MYMX: variants seen among roughly 807,000 people sequenced by gnomAD.
MYMX encodes protein myomixer.
chr6:44,197,408 C>A, the MYMX span, among the ~76,000 whole-genome samples: 2 of 152,180 alleles, frequency 1.3e-5, no homozygotes, highest in Non-Finnish European at 2.9e-5. Context: ...TGGCAGACGC[C>A]TGTAATGCCA....
At chr6:44,200,034 A>G in the MYMX span, among the ~76,000 whole-genome samples, 1 of 152,050 alleles carries the variant, frequency 6.6e-6, no homozygotes, top group African/African-American at 2.4e-5. Context: ...GGCTCATGGT[A>G]GCCTGTTCCT....
At chr6:44,197,270 C>T in the MYMX span, among the ~76,000 whole-genome samples, 40 of 151,238 alleles carry the variant, frequency 2.6e-4, no homozygotes, top group African/African-American at 8.8e-4. Context: ...CGGCGGCTCA[C>T]GCCTGTAATT....
the MYMX span, among the ~76,000 whole-genome samples, chr6:44,207,566 C>G: frequency 1.3e-5 from 2 of 150,490 alleles, no homozygotes; most frequent in Non-Finnish European, 3.0e-5. Flanking sequence ...GAGTTTCACT[C>G]TTGTTGCCCA....
At chr6:44,195,472 T>TA in the MYMX span, among the ~76,000 whole-genome samples, 12,929 of 152,138 alleles carry the variant, frequency 0.085, 755 homozygotes, top group Middle Eastern at 0.19. Context: ...ATTTTTTTTT[T>TA]ATGTGTGTGT....
At chr6:44,204,949 A>G in the MYMX span, among the ~76,000 whole-genome samples, 2 of 152,252 alleles carry the variant, frequency 1.3e-5, no homozygotes, top group African/African-American at 4.8e-5. Context: ...CTATAGTTGT[A>G]GAACCCCAAA....
the MYMX span, among the ~76,000 whole-genome samples, chr6:44,195,606 A>G: frequency 6.6e-6 from 1 of 152,066 alleles, no homozygotes; most frequent in Non-Finnish European, 1.5e-5. Context: ...CGTTGGGATT[A>G]CTGGCATGAG....
upstream of MYMX, among the ~76,000 whole-genome samples, chr6:44,216,226 G>A (rs1011826994): frequency 6.6e-6 from 1 of 152,208 alleles, no homozygotes; most frequent in African/African-American, 2.4e-5. Flanking sequence ...CTGCTTCTGA[G>A]GTTTAGGCAA....
rs1250706277 is a variant in MYMX at position 44,217,511 on chromosome 6, C to T, written c.40C>T (p.Leu14=). The T allele has an allele frequency of 2.5e-6, 1 of 405,878 alleles. No homozygotes were observed. Among genetic ancestry groups the T allele is most frequent in the Admixed American group, 4.4e-5 (1 of 22,804 alleles). The allele number at this position is 405,878 out of a possible 1,614,324, so 25.1% of individuals were successfully genotyped here. The part of the protein sequence containing the change: ...PLLPLLLRLL[L]SCLLLPAARL... ...GCTCCCGCTGCTGCTTCGATTGCTGCTGTCCTGCCTGCTGCTGCCTGCTGC... is the reference window on the plus strand; with the variant it reads ...GCTCCCGCTGCTGCTTCGATTGCTGTTGTCCTGCCTGCTGCTGCCTGCTGC... The change falls in exon 2 of 2, where the codon CTG becomes TTG. Residue 14 remains leucine, a synonymous_variant. Transcript: ENST00000573382.
At chr6:44,214,504 C>G (rs1428230261), upstream of MYMX, among the ~76,000 whole-genome samples, 1 of 152,158 alleles carries the variant, frequency 6.6e-6, no homozygotes, top group African/African-American at 2.4e-5. Flanking sequence ...CTTAACCATC[C>G]TGATCCCCAG....
upstream of MYMX, among the ~76,000 whole-genome samples, chr6:44,215,809 C>T (rs1357207351): frequency 1.3e-5 from 2 of 151,718 alleles, no homozygotes; most frequent in East Asian, 1.9e-4. Flanking sequence ...GCAGGAGAAT[C>T]GCTTGAACCT....
the MYMX span, among the ~76,000 whole-genome samples, chr6:44,205,840 C>T: frequency 2.6e-5 from 4 of 151,154 alleles, no homozygotes; most frequent in Non-Finnish European, 4.4e-5. Context: ...TTTAGCCAGG[C>T]GTACTGGTGC....
the MYMX span, among the ~76,000 whole-genome samples, chr6:44,202,428 AT>A: frequency 0.016 from 2,249 of 137,256 alleles, 83 homozygotes; most frequent in Admixed American, 0.088. Flanking sequence ...TCCAGATACT[AT>A]TTTTTTTTTT....
upstream of MYMX, among the ~76,000 whole-genome samples, chr6:44,213,039 A>G (rs1775681393): frequency 6.6e-6 from 1 of 152,094 alleles, no homozygotes; most frequent in South Asian, 2.1e-4. Context: ...ATAAAAATAA[A>G]TGAATAAATC....
the MYMX span, among the ~76,000 whole-genome samples, chr6:44,206,375 G>A: frequency 2.6e-5 from 4 of 151,556 alleles, no homozygotes; most frequent in Non-Finnish European, 5.9e-5. Flanking sequence ...GATTACAGGC[G>A]CCCGCCACAA....
At chr6:44,207,092 C>T in the MYMX span, among the ~76,000 whole-genome samples, 1 of 152,266 alleles carries the variant, frequency 6.6e-6, no homozygotes, top group Non-Finnish European at 1.5e-5. Context: ...TACAGTCATC[C>T]CACATTCCTT....
chr6:44,204,631 A>G, the MYMX span, among the ~76,000 whole-genome samples: 7 of 152,190 alleles, frequency 4.6e-5, no homozygotes, highest in East Asian at 1.9e-4. Context: ...TACTCCAGAC[A>G]ATTTTTATCA....
the MYMX span, among the ~76,000 whole-genome samples, chr6:44,199,527 C>T: frequency 1.8e-4 from 27 of 152,036 alleles, no homozygotes; most frequent in African/African-American, 1.2e-4. Context: ...TCAGCATTAA[C>T]TTGGTTATTC....
chr6:44,196,186 A>C, the MYMX span, among the ~76,000 whole-genome samples: 1 of 152,142 alleles, frequency 6.6e-6, no homozygotes, highest in African/African-American at 2.4e-5. Flanking sequence ...GGCCTCTCAA[A>C]GTGCTAGGAT....
the MYMX span, among the ~76,000 whole-genome samples, chr6:44,208,888 C>T: frequency 6.6e-6 from 1 of 152,206 alleles, no homozygotes; most frequent in East Asian, 1.9e-4. Context: ...TACACAGTGG[C>T]AGATCACCTA....
Sources: allele counts gnomAD v4.1 joint callset (sites outside exome capture counted in the v4.1 genomes callset), GRCh38; gene constraint gnomAD v4.1.1; transcripts MANE v1.5; gene names NCBI Gene and HGNC (gene_info 2026-07-23, HGNC 2026-07-21).